Variants in LMLN observed in about 807,000 individuals in gnomAD.
The protein encoded by LMLN is leishmanolysin-like peptidase.
In LMLN, 70 loss-of-function variants were observed where a neutral mutation model predicts 92.3. The ratio of observed to expected loss-of-function variants is 0.76; its 90% CI spans 0.63 to 0.92. The LOEUF (loss-of-function observed/expected upper bound fraction) is 0.92. Among genes scored for constraint, LMLN ranks in the 40% least tolerant of loss-of-function variants. The pLI is 0.00. For missense variants in LMLN, 691 were observed against 814.6 expected (o/e 0.85, Z 1.85); for synonymous variants, 308 against 296.2 (o/e 1.04, Z -0.41).
chr3:197,999,299 C>T lies in LMLN; in HGVS notation c.1189C>T (p.Arg397Ter). The change falls in exon 11 of 16, where the codon CGA becomes TGA. Residue 397 changes from arginine to a stop codon, truncating the protein, a stop_gained. Coordinates refer to ENST00000330198, the Ensembl canonical transcript of LMLN. LOFTEE classifies it high-confidence loss of function. ...GATGACTGGTTCTCACACTCAGAAT[C>T]GAGTACTCTCTCGAATCACTCTGGC... 4 of 1,613,640 alleles carry T rather than the reference C, an allele frequency of 2.5e-6. No individual in the cohort carries two copies. The highest frequency in any genetic ancestry group is 2.2e-5 in the East Asian group (1 of 44,868).
At chr3:198,016,990 C>G (rs1283991425) in intron 11 of LMLN, among the ~76,000 whole-genome samples, 1 of 152,158 alleles carries the variant, frequency 6.6e-6, no homozygotes, top group Admixed American at 6.5e-5. Context: ...AGCATGGTGG[C>G]ACATGCTTGT....
chr3:198,014,461 C>T (rs1419507501), intron 11 of LMLN, among the ~76,000 whole-genome samples: 8 of 109,110 alleles, frequency 7.3e-5, no homozygotes, highest in Non-Finnish European at 3.8e-5. Context: ...GACTTCTCTC[C>T]ACCCTTCAGA....
chr3:197,987,518 C>T (rs949784150), intron 8 of LMLN, among the ~76,000 whole-genome samples: 5 of 151,940 alleles, frequency 3.3e-5, no homozygotes, highest in African/African-American at 1.2e-4. Context: ...TGTTCTTTTA[C>T]TGAGAATGAA....
intron 15 of LMLN, among the ~76,000 whole-genome samples, chr3:198,037,375 T>G (rs1458007727): frequency 6.6e-6 from 1 of 152,216 alleles, no homozygotes; most frequent in Non-Finnish European, 1.5e-5. Context: ...GTTACAATCA[T>G]AATGACACAA....
intron 9 of LMLN, among the ~76,000 whole-genome samples, chr3:197,993,612 C>T (rs548199643): frequency 2.0e-5 from 3 of 152,050 alleles, no homozygotes; most frequent in East Asian, 1.9e-4. Context: ...AAAGGTATCC[C>T]GTGTTCATGG....
chr3:198,038,839 C>CTCATCAGCAACCCAACCACCT (rs1406419194), exon 16 of LMLN: 3 of 560,304 alleles, frequency 5.4e-6, no homozygotes, highest in South Asian at 4.3e-5. Context: ...GCAGCCTGTC[C>CTCATCAGCAACCCAACCACCT]TCATCAGCAA....
chr3:198,007,867 T>G (rs902429661), intron 11 of LMLN, among the ~76,000 whole-genome samples: 1 of 152,224 alleles, frequency 6.6e-6, no homozygotes, highest in African/African-American at 2.4e-5. Flanking sequence ...TAGCTGCAGA[T>G]TTTTTATACA....
chr3:198,003,586 A>G (rs1722232774), intron 11 of LMLN, among the ~76,000 whole-genome samples: 3 of 150,792 alleles, frequency 2.0e-5, no homozygotes, highest in African/African-American at 5.0e-5. Context: ...ATCTATCTAT[A>G]TATCATCTAT....
At chr3:197,969,232 C>G (rs1303952376) in intron 1 of LMLN, among the ~76,000 whole-genome samples, 2 of 151,940 alleles carry the variant, frequency 1.3e-5, no homozygotes, top group African/African-American at 4.8e-5. Flanking sequence ...TAGGTATGAG[C>G]CACCATGCCA....
intron 1 of LMLN, among the ~76,000 whole-genome samples, chr3:197,963,870 C>T (rs987441803): frequency 6.6e-6 from 1 of 152,220 alleles, no homozygotes; most frequent in African/African-American, 2.4e-5. Context: ...ATCTTAGGAC[C>T]AGTCTCTGAC....
intron 14 of LMLN, among the ~76,000 whole-genome samples, chr3:198,027,808 T>A (rs1262089806): frequency 2.0e-5 from 3 of 152,204 alleles, no homozygotes; most frequent in African/African-American, 7.2e-5. Flanking sequence ...ATTGGAGTCT[T>A]GCTGCAGCGA....
intron 1 of LMLN, among the ~76,000 whole-genome samples, chr3:197,963,539 T>C (rs146398565): frequency 0.017 from 2,630 of 152,312 alleles, 73 homozygotes; most frequent in African/African-American, 0.061. Context: ...TTTTATTTTT[T>C]GATGCCATTG....
At chr3:198,021,671 G>A (rs558066821) in intron 13 of LMLN, 66 bp downstream of exon 14, 48 of 1,399,822 alleles carry the variant, frequency 3.4e-5, no homozygotes, top group African/African-American at 2.2e-4. Context: ...ATATAGAATC[G>A]TGGTTAAGGG....
chr3:197,960,810 C>T (rs939544884), intron 1 of LMLN, among the ~76,000 whole-genome samples: 5 of 152,118 alleles, frequency 3.3e-5, no homozygotes, highest in African/African-American at 4.8e-5. Context: ...AGTTTACGTT[C>T]CCAGCTGGTT....
At chr3:198,001,997 CA>C (rs1185900276) in intron 11 of LMLN, among the ~76,000 whole-genome samples, 1 of 151,794 alleles carries the variant, frequency 6.6e-6, no homozygotes, top group Non-Finnish European at 1.5e-5. Context: ...GCTAAAGGAA[CA>C]AAATATAATA....
chr3:198,022,791 G>T (rs960141034), intron 13 of LMLN, among the ~76,000 whole-genome samples: 1 of 152,150 alleles, frequency 6.6e-6, no homozygotes, highest in Non-Finnish European at 1.5e-5. Flanking sequence ...CCCAGGAGGC[G>T]GAGTTTGCAG....
chr3:198,018,351 T>C (rs192708272), intron 11 of LMLN, among the ~76,000 whole-genome samples: 3 of 152,348 alleles, frequency 2.0e-5, no homozygotes, highest in Admixed American at 2.0e-4. Context: ...ATCACATTTA[T>C]TGAGTAGCCT....
intron 9 of LMLN, 45 bp from the exon 10 acceptor site, chr3:197,996,130 T>C (rs772316890): frequency 1.5e-5 from 16 of 1,075,464 alleles, no homozygotes; most frequent in Non-Finnish European, 1.9e-5. Flanking sequence ...TATCTTACGG[T>C]ACTTTTGTAC....
At chr3:197,976,295 C>G in intron 4 of LMLN, 184 bp downstream of exon 4, 1 of 503,272 alleles carries the variant, frequency 2.0e-6, no homozygotes, top group East Asian at 3.2e-5. Context: ...CTTTCCCTGA[C>G]CTTTCATTGT....
Sources: allele counts gnomAD v4.1 joint callset (sites outside exome capture counted in the v4.1 genomes callset), GRCh38; gene constraint gnomAD v4.1.1; transcripts MANE v1.5; gene names NCBI Gene and HGNC (gene_info 2026-07-23, HGNC 2026-07-21).